ABLIM2: variants seen among roughly 807,000 people sequenced by gnomAD.
ABLIM2 encodes the protein actin-binding LIM protein 2.
ABLIM2 carries 53 observed loss-of-function variants against 97.7 expected under a neutral mutation model. The observed-to-expected ratio is 0.54, with a 90% CI of 0.44 to 0.68. The LOEUF is 0.68. Among genes scored for constraint, ABLIM2 ranks in the 30% least tolerant of loss-of-function variants. The pLI, the probability that ABLIM2 is intolerant of heterozygous loss-of-function variation, is 0.00. For missense variants in ABLIM2, 835 were observed against 867.2 expected (o/e 0.96, Z 0.47); for synonymous variants, 361 against 345.8 (o/e 1.04, Z -0.49).
At chr4:8,100,411 T>TA (rs533136576) in intron 2 of ABLIM2, among the ~76,000 whole-genome samples, 25 of 152,068 alleles carry the variant, frequency 1.6e-4, no homozygotes, top group Non-Finnish European at 2.9e-4. Flanking sequence ...ATGTGTAAAA[T>TA]AGAGTTAGCA....
At position 8,068,191 on chromosome 4, in the gene ABLIM2, G is replaced by A. The variant is rs1226721831; in HGVS notation, c.676-7137C>T. Among the ~76,000 whole-genome samples, 10 of 152,168 alleles carry A rather than the reference G, an allele frequency of 6.6e-5. No homozygotes were observed. Among genetic ancestry groups the A allele is most frequent in the Admixed American group, 6.5e-5 (1 of 15,276 alleles). On this transcript the variant is annotated intron_variant, in intron 6 of 20. Coordinates refer to ENST00000447017, the MANE Select transcript of ABLIM2 (RefSeq NM_001130083.2). This position sits in a 1 kb window ranked among gnomAD's most constrained non-coding sequence, Gnocchi z 4.5. ...TGGGCGCACGGCTCCCCAGGCAGGC[G>A]GAAGTCCCACCCTCGCCCGCGTGGG...
rs918408594 is a variant in ABLIM2 at position 8,158,530 on chromosome 4, C to G, written c.10+150G>C. The G allele has an allele frequency of 1.4e-4, 135 of 961,438 alleles. 1 individual carries two copies. In the African/African-American group the frequency reaches 2.2e-3, roughly 16 times the overall value. 59.6% of individuals were successfully genotyped at this position (961,438 alleles called of 1,614,324 possible). A position where few individuals can be genotyped will look rare whatever the true frequency, so the allele number is the denominator to read the frequency against. ...GGCAGAGGGCTGCGCTCTGGCCCCTCGGGGCTGCAAAATCCTGGAGCAAAA... is the reference window on the plus strand; with the variant it reads ...GGCAGAGGGCTGCGCTCTGGCCCCTGGGGGCTGCAAAATCCTGGAGCAAAA... On this transcript the variant is annotated intron_variant, in intron 1 of 20. Transcript: ENST00000447017.
chr4:8,125,129 G>A lies in ABLIM2; in HGVS notation c.11-18492C>T, dbSNP rs748098521. Among the ~76,000 whole-genome samples, 9 of 152,176 alleles carry A rather than the reference G, an allele frequency of 5.9e-5. No homozygotes were observed. Among genetic ancestry groups the A allele is most frequent in the Admixed American group, 1.3e-4 (2 of 15,286 alleles). On this transcript the variant is annotated intron_variant, in intron 1 of 20. Coordinates refer to ENST00000447017, the MANE Select transcript of ABLIM2 (RefSeq NM_001130083.2). The surrounding 1 kb of genome is among the most constrained non-coding windows in gnomAD (Gnocchi z 6.2). ...TATTCGAGATACAAGTCCCGTGTCA[G>A]CTTGCTAATTTGCAAATATTTTCTC...
intron 11 of ABLIM2, 64 bp downstream of exon 11, chr4:8,029,592 A>G: frequency 1.5e-6 from 2 of 1,320,630 alleles, no homozygotes; most frequent in Non-Finnish European, 2.0e-6. Context: ...AAACTAAAAA[A>G]AAAAAAAAAA....
intron 16 of ABLIM2, among the ~76,000 whole-genome samples, chr4:8,006,841 C>T (rs1761699575): frequency 1.3e-5 from 2 of 151,874 alleles, no homozygotes; most frequent in South Asian, 4.1e-4. Context: ...AGGCTGCCAT[C>T]TGGGGTGAAC....
At position 8,080,796 on chromosome 4, in the gene ABLIM2, C is replaced by A; in HGVS notation, c.461G>T (p.Gly154Val). The change falls in exon 5 of 21, where the codon GGG becomes GTG. Residue 154 changes from glycine to valine, a missense_variant. By Grantham distance (109) the Gly-to-Val change is moderately radical. Coordinates refer to ENST00000447017, the MANE Select transcript of ABLIM2 (RefSeq NM_001130083.2). ...AHLSQGLRSC[G>V]GCGTEIKNGQ... ...ATTCTTGATTTCTGTGCCGCAGCCCCCACAACCTGGAAGAAAGAGAAGAGA... is the reference window on the plus strand; with the variant it reads ...ATTCTTGATTTCTGTGCCGCAGCCCACACAACCTGGAAGAAAGAGAAGAGA... 1 of 1,606,642 alleles carries A rather than the reference C, an allele frequency of 6.2e-7. No homozygotes were observed. The highest frequency in any genetic ancestry group is 8.5e-7 in the Non-Finnish European group (1 of 1,175,464).
rs1421723251 is a variant in ABLIM2 at position 8,080,724 on chromosome 4, A to C, written c.533T>G (p.Phe178Cys). ...GAGCTTCCCACAGCTCTTGCACTTAAAACAGCCCAAGTGCCAGTGCTTGTC... is the reference window on the plus strand; with the variant it reads ...GAGCTTCCCACAGCTCTTGCACTTACAACAGCCCAAGTGCCAGTGCTTGTC... ...ALDKHWHLGC[F>C]KCKSCGKLLN... The change falls in exon 5 of 21, where the codon TTT (phenylalanine) becomes TGT (cysteine). Residue 178 changes from phenylalanine (F) to cysteine (C), a missense_variant. By Grantham distance (205) the Phe-to-Cys change is radical. Transcript: ENST00000447017. The C allele has an allele frequency of 6.2e-7, 1 of 1,612,794 alleles. No individual in the cohort carries two copies.
intron 20 of ABLIM2, among the ~76,000 whole-genome samples, chr4:7,978,661 C>A (rs577693872): frequency 1.3e-5 from 2 of 152,292 alleles, no homozygotes; most frequent in South Asian, 4.1e-4. Flanking sequence ...ACACAGCCAG[C>A]AGGAACCCTC....
intron 14 of ABLIM2, among the ~76,000 whole-genome samples, chr4:8,012,125 C>T (rs1029119147): frequency 2.6e-5 from 4 of 151,000 alleles, no homozygotes; most frequent in Non-Finnish European, 4.4e-5. Flanking sequence ...CATCCTTCAC[C>T]CATCCATCCA....
chr4:8,113,830 G>T lies in ABLIM2; in HGVS notation c.11-7193C>A, dbSNP rs1841498386. Among the ~76,000 whole-genome samples the T allele has an allele frequency of 1.3e-5, 2 of 152,222 alleles. No homozygotes were observed. The highest frequency in any genetic ancestry group is 1.5e-5 in the Non-Finnish European group (1 of 68,024). On this transcript the variant is annotated intron_variant, in intron 1 of 20. Transcript: ENST00000447017. This position sits in a 1 kb window ranked among gnomAD's most constrained non-coding sequence, Gnocchi z 4.5. ...AGAGGTCCCGGCTCACCCAGAGCGG[G>T]TCACAGGACACACAGTTCCAGCTTC...
At chr4:8,152,001 G>C (rs564957559) in intron 1 of ABLIM2, among the ~76,000 whole-genome samples, 1 of 152,280 alleles carries the variant, frequency 6.6e-6, no homozygotes, top group South Asian at 2.1e-4. Context: ...CCCCATAGGA[G>C]GCGGGTTTGG....
chr4:8,113,434 G>T lies in ABLIM2; in HGVS notation c.11-6797C>A, dbSNP rs896525432. Among the ~76,000 whole-genome samples, 6 of 152,180 alleles carry T rather than the reference G, an allele frequency of 3.9e-5. No homozygotes were observed. Among genetic ancestry groups the T allele is most frequent in the African/African-American group, 1.4e-4 (6 of 41,418 alleles). The stretch of plus-strand genomic sequence containing the variant: ...CTGTTTATTTCCGATCTGTGCCCAC[G>T]GATCTATATTTAGTTCCACCCTTCT... On this transcript the variant is annotated intron_variant, in intron 1 of 20. Transcript: ENST00000447017. This position sits in a 1 kb window ranked among gnomAD's most constrained non-coding sequence, Gnocchi z 4.5.
chr4:8,083,776 C>A lies in ABLIM2; in HGVS notation c.455-2974G>T, dbSNP rs1821440680. Among the ~76,000 whole-genome samples, 3 of 152,204 alleles carry A rather than the reference C, an allele frequency of 2.0e-5. No homozygotes were observed. The South Asian group carries it at 6.2e-4, about 32-fold the overall frequency. On this transcript the variant is annotated intron_variant, in intron 4 of 20. Transcript: ENST00000447017. This position sits in a 1 kb window ranked among gnomAD's most constrained non-coding sequence, Gnocchi z 4.6. ...AGGGCAGAAGGGGCCCCAGGACCCC[C>A]CAATGTCAGCTGGCCACGTGCCCGT...
Position 8,072,893 on chromosome 4 carries a change from G to A in ABLIM2, c.675+4735C>T, listed in dbSNP as rs908805890. 6.6e-6 allele frequency among the ~76,000 whole-genome samples: 1 copy of A among 152,192 alleles called. No homozygotes were observed. Among genetic ancestry groups the A allele is most frequent in the Non-Finnish European group, 1.5e-5 (1 of 68,042 alleles). ...TGGGGAAGTAGGGAGGGGTCGGTAAGAGGAGGCTTAAAGGCCTTAGGGTTT... is the reference window on the plus strand; with the variant it reads ...TGGGGAAGTAGGGAGGGGTCGGTAAAAGGAGGCTTAAAGGCCTTAGGGTTT... On this transcript the variant is annotated intron_variant, in intron 6 of 20. Transcript: ENST00000447017. The surrounding 1 kb of genome is among the most constrained non-coding windows in gnomAD (Gnocchi z 5.8).
chr4:8,064,794 T>C (rs1199125376), intron 6 of ABLIM2, among the ~76,000 whole-genome samples: 1 of 152,150 alleles, frequency 6.6e-6, no homozygotes, highest in African/African-American at 2.4e-5. Context: ...ACCAGACCTG[T>C]TCTCTTTCTT....
Position 7,992,396 on chromosome 4 carries a change from C to T in ABLIM2, c.1680+470G>A, listed in dbSNP as rs573270378. ...TGCAGCCTCAAGTAACAGCCTTGGA[C>T]GCTAAGGATTATTTGGTGTCATCAC... On this transcript the variant is annotated intron_variant, in intron 17 of 20. Coordinates refer to ENST00000447017, the MANE Select transcript of ABLIM2 (RefSeq NM_001130083.2). This position sits in a 1 kb window ranked among gnomAD's most constrained non-coding sequence, Gnocchi z 5.7. Among the ~76,000 whole-genome samples the T allele has an allele frequency of 8.5e-5, 13 of 152,242 alleles. No homozygotes were observed. The highest frequency in any genetic ancestry group is 2.1e-4 in the South Asian group (1 of 4,814).
chr4:7,987,599 C>T (rs1039812329), intron 17 of ABLIM2, among the ~76,000 whole-genome samples: 5 of 152,274 alleles, frequency 3.3e-5, no homozygotes, highest in African/African-American at 7.2e-5. Context: ...CTCTGCATAA[C>T]GGGCTTCCAA....
At chr4:8,035,209 C>T (rs2151414581) in intron 10 of ABLIM2, among the ~76,000 whole-genome samples, 1 of 152,146 alleles carries the variant, frequency 6.6e-6, no homozygotes, top group East Asian at 1.9e-4. Flanking sequence ...CTGTGATCCA[C>T]AGGGGCAGAA....
In ABLIM2 at chr4:8,046,264, A is replaced by C. The variant is rs1579677473; in HGVS notation, c.823-1023T>G. 6.7e-6 allele frequency among the ~76,000 whole-genome samples: 1 copy of C among 148,772 alleles called. No homozygotes were observed. Among genetic ancestry groups the C allele is most frequent in the Non-Finnish European group, 1.5e-5 (1 of 66,996 alleles). On this transcript the variant is annotated intron_variant, in intron 8 of 20. Coordinates refer to ENST00000447017, the MANE Select transcript of ABLIM2 (RefSeq NM_001130083.2). The surrounding 1 kb of genome is among the most constrained non-coding windows in gnomAD (Gnocchi z 4.4). ...CAGCCCCCTCCAGCCCTGCGGACAC[A>C]CTCCTTCTGTGGTCCCCACACCTCT...
Sources: allele counts gnomAD v4.1 joint callset (sites outside exome capture counted in the v4.1 genomes callset), GRCh38; gene constraint gnomAD v4.1.1; non-coding constraint Gnocchi (gnomAD v3.1); transcripts MANE v1.5; gene names NCBI Gene and HGNC (gene_info 2026-07-23, HGNC 2026-07-21).